Variants in CMTM8 observed in about 807,000 individuals in gnomAD.
CMTM8 encodes the protein CKLF like MARVEL transmembrane domain containing 8, also known as CKLF-like MARVEL transmembrane domain-containing protein 8.
A neutral mutation model predicts 18.6 loss-of-function variants in CMTM8; 12 were observed. The ratio of observed to expected loss-of-function variants is 0.65; its 90% CI spans 0.41 to 1.05. The LOEUF (loss-of-function observed/expected upper bound fraction) is 1.05, where lower values mean the gene tolerates loss of function less well. Among genes scored for constraint, CMTM8 ranks in the 50% least tolerant of loss-of-function variants. The pLI is 0.00. For synonymous variants in CMTM8, 87 were observed against 90.6 expected (o/e 0.96, Z 0.23); for missense variants, 217 against 227.2 (o/e 0.95, Z 0.29).
At chr3:32,265,029 C>G (rs1430366076) in intron 1 of CMTM8, among the ~76,000 whole-genome samples, 1 of 152,124 alleles carries the variant, frequency 6.6e-6, no homozygotes, top group Non-Finnish European at 1.5e-5. Context: ...CCAATGTCAA[C>G]ATTAGACAGA....
At chr3:32,360,699 C>CT (rs908802050) in intron 2 of CMTM8, among the ~76,000 whole-genome samples, 41 of 152,360 alleles carry the variant, frequency 2.7e-4, no homozygotes, top group African/African-American at 9.9e-4. Context: ...TGACAGGCTC[C>CT]TGCTGCCGAG....
chr3:32,357,334 C>T, intron 1 of CMTM8, 39 bp from the exon 2 acceptor site: 1 of 1,495,582 alleles, frequency 6.7e-7, no homozygotes, highest in Non-Finnish European at 9.2e-7. Flanking sequence ...TTATCTTCTA[C>T]TGTCCCCTCC....
chr3:32,298,457 T>C (rs1370082497), intron 1 of CMTM8, among the ~76,000 whole-genome samples: 3 of 147,532 alleles, frequency 2.0e-5, no homozygotes, highest in Admixed American at 1.3e-4. Flanking sequence ...TTTTTTTTTT[T>C]ACTTTCTGAA....
At chr3:32,296,789 C>T (rs1702886550) in intron 1 of CMTM8, among the ~76,000 whole-genome samples, 1 of 152,218 alleles carries the variant, frequency 6.6e-6, no homozygotes, top group African/African-American at 2.4e-5. Flanking sequence ...CTCTCTCACC[C>T]AGGTTTTCCT....
intron 2 of CMTM8, among the ~76,000 whole-genome samples, chr3:32,361,286 G>GTTTGTTTTTTTTTTTGTT (rs140270969): frequency 1.5e-3 from 131 of 87,268 alleles, no homozygotes; most frequent in Non-Finnish European, 2.7e-3. Flanking sequence ...CAGCCTAAGA[G>GTTTGTTTTTTTTTTTGTT]TTTTTTTTTC....
chr3:32,291,092 T>C (rs1702771912), intron 1 of CMTM8, among the ~76,000 whole-genome samples: 1 of 151,496 alleles, frequency 6.6e-6, no homozygotes, highest in African/African-American at 2.4e-5. Flanking sequence ...GTAGGATAAA[T>C]GGGAGATGAG....
intron 1 of CMTM8, among the ~76,000 whole-genome samples, chr3:32,333,631 CAAAAAAA>C (rs10576288): frequency 3.5e-5 from 4 of 114,830 alleles, no homozygotes; most frequent in East Asian, 2.4e-4. Context: ...ACTTTTCCAC[CAAAAAAA>C]AAAAAAAAAA....
At chr3:32,271,926 A>G (rs1376752145) in intron 1 of CMTM8, among the ~76,000 whole-genome samples, 2 of 152,158 alleles carry the variant, frequency 1.3e-5, no homozygotes, top group Non-Finnish European at 2.9e-5. Flanking sequence ...TTCCACCTAC[A>G]AATTAGGCAT....
chr3:32,295,474 AAAAAC>A (rs1254706754), intron 1 of CMTM8, among the ~76,000 whole-genome samples: 2,341 of 107,482 alleles, frequency 0.022, 7 homozygotes, highest in South Asian at 0.033. Context: ...AAAAAAAAAA[AAAAAC>A]AAAACAAAAC....
At chr3:32,259,039 A>C (rs6550111) in intron 1 of CMTM8, 360,604 of 361,668 alleles carry the variant, frequency 1, 179,788 homozygotes, top group Middle Eastern at 1. Flanking sequence ...GCAGTGCAGC[A>C]AGCATCTATG....
chr3:32,347,467 A>G (rs1320636748), intron 1 of CMTM8, among the ~76,000 whole-genome samples: 1 of 150,944 alleles, frequency 6.6e-6, no homozygotes, highest in African/African-American at 2.4e-5. Context: ...CTGTGACAAT[A>G]AAATAAGTTA....
intron 1 of CMTM8, among the ~76,000 whole-genome samples, chr3:32,308,720 T>C (rs989419633): frequency 1.3e-5 from 2 of 152,234 alleles, no homozygotes; most frequent in Admixed American, 1.3e-4. Flanking sequence ...AAAATAGACA[T>C]AATCTGCTCT....
At chr3:32,365,914 T>G (rs1697024132) in intron 2 of CMTM8, among the ~76,000 whole-genome samples, 1 of 152,192 alleles carries the variant, frequency 6.6e-6, no homozygotes, top group South Asian at 2.1e-4. Context: ...CTCAGTAACA[T>G]TCTAGAACCC....
chr3:32,243,610 GTCTTC>G (rs924603927), intron 1 of CMTM8, among the ~76,000 whole-genome samples: 2 of 150,740 alleles, frequency 1.3e-5, no homozygotes, highest in African/African-American at 2.4e-5. Flanking sequence ...TTGGATAATT[GTCTTC>G]TCTTCTCAGC....
At chr3:32,247,189 T>G (rs546297891) in intron 1 of CMTM8, among the ~76,000 whole-genome samples, 1 of 152,332 alleles carries the variant, frequency 6.6e-6, no homozygotes, top group South Asian at 2.1e-4. Flanking sequence ...TTTTGGCATT[T>G]GTGTTTTTGA....
chr3:32,246,359 G>GTC (rs1702015683), intron 1 of CMTM8, among the ~76,000 whole-genome samples: 1 of 152,102 alleles, frequency 6.6e-6, no homozygotes, highest in Admixed American at 6.6e-5. Context: ...TCCCTGCTGG[G>GTC]TCTCTGCTGG....
At chr3:32,288,235 T>C (rs1164965160) in intron 1 of CMTM8, among the ~76,000 whole-genome samples, 3 of 152,304 alleles carry the variant, frequency 2.0e-5, no homozygotes, top group East Asian at 3.9e-4. Flanking sequence ...ACAACTTAAT[T>C]GAGGAGCTGA....
chr3:32,245,506 C>G (rs920331330), intron 1 of CMTM8, among the ~76,000 whole-genome samples: 1 of 152,202 alleles, frequency 6.6e-6, no homozygotes, highest in African/African-American at 2.4e-5. Flanking sequence ...GCTGTGATCT[C>G]ATAACTATTA....
chr3:32,339,591 G>A (rs1444562812), intron 1 of CMTM8, among the ~76,000 whole-genome samples: 1 of 152,208 alleles, frequency 6.6e-6, no homozygotes, highest in Non-Finnish European at 1.5e-5. Context: ...AAAGCAGCAA[G>A]GCCTGAAGCC....
Sources: gnomAD v4.1 joint callset for allele counts (sites outside exome capture counted in the v4.1 genomes callset) on GRCh38, gnomAD v4.1.1 for gene constraint, MANE v1.5 for transcripts, NCBI Gene and HGNC (gene_info 2026-07-23, HGNC 2026-07-21) for gene names.